Variants in RGS20 observed in about 807,000 individuals in gnomAD.
RGS20 encodes the protein gz-selective GTPase-activating protein.
Under a neutral mutation model 33.6 loss-of-function variants are expected in RGS20, and 30 were observed. The observed-to-expected ratio is 0.89, with a 90% confidence interval of 0.67 to 1.21. The LOEUF is 1.21. RGS20 is among the 50% of genes most tolerant of loss of function. The probability of loss-of-function intolerance (pLI) is 0.00; values close to 1 mark genes in which losing one functional copy is unlikely to be tolerated. For missense variants in RGS20, 472 were observed against 502.4 expected (o/e 0.94, Z 0.58); for synonymous variants, 208 against 197.9 (o/e 1.05, Z -0.43).
intron 5 of RGS20, among the ~76,000 whole-genome samples, chr8:53,956,803 T>C (rs1018011703): frequency 1.3e-5 from 2 of 152,186 alleles, no homozygotes; most frequent in Non-Finnish European, 2.9e-5. Context: ...TTTTATTTTG[T>C]CATGATTTTT....
chr8:53,876,914 G>C (rs1370375562), intron 1 of RGS20, among the ~76,000 whole-genome samples: 1 of 152,220 alleles, frequency 6.6e-6, no homozygotes, highest in East Asian at 1.9e-4. Flanking sequence ...TCTCTGTCTC[G>C]AAGCACAGGA....
intron 1 of RGS20, among the ~76,000 whole-genome samples, chr8:53,871,838 C>T (rs1812077432): frequency 6.6e-6 from 1 of 152,062 alleles, no homozygotes; most frequent in South Asian, 2.1e-4. Context: ...CTGACTCTCC[C>T]TCTGTTTCCT....
intron 2 of RGS20, among the ~76,000 whole-genome samples, chr8:53,925,206 A>G (rs1813759119): frequency 6.6e-6 from 1 of 152,104 alleles, no homozygotes; most frequent in Non-Finnish European, 1.5e-5. Context: ...TTTGCTTGGA[A>G]CAGAATCAGT....
chr8:53,888,859 T>C (rs577001831), intron 2 of RGS20, among the ~76,000 whole-genome samples: 2 of 152,394 alleles, frequency 1.3e-5, no homozygotes, highest in South Asian at 2.1e-4. Flanking sequence ...CTCAGCATTA[T>C]GTTTTTGAGA....
intron 1 of RGS20, among the ~76,000 whole-genome samples, chr8:53,860,020 G>A (rs900553898): frequency 1.5e-4 from 23 of 152,128 alleles, no homozygotes; most frequent in African/African-American, 5.1e-4. Flanking sequence ...TGTTTTTCTA[G>A]GTTCTCTAGA....
intron 1 of RGS20, among the ~76,000 whole-genome samples, chr8:53,869,540 C>A (rs923337652): frequency 1.3e-5 from 2 of 151,756 alleles, no homozygotes; most frequent in Admixed American, 1.3e-4. Context: ...GCCGGGCATG[C>A]TGGCAGGTGC....
intron 2 of RGS20, among the ~76,000 whole-genome samples, chr8:53,921,174 C>T (rs1183742668): frequency 6.6e-6 from 1 of 152,116 alleles, no homozygotes; most frequent in Non-Finnish European, 1.5e-5. Context: ...TCTACTTAGT[C>T]ATGGCATATA....
intron 1 of RGS20, among the ~76,000 whole-genome samples, chr8:53,875,184 C>G (rs1381848238): frequency 6.6e-6 from 1 of 152,098 alleles, no homozygotes; most frequent in Admixed American, 6.6e-5. Context: ...ATAATCCCAC[C>G]ACTTTGTGAG....
At chr8:53,930,166 C>A (rs1012084454) in intron 2 of RGS20, among the ~76,000 whole-genome samples, 1 of 152,158 alleles carries the variant, frequency 6.6e-6, no homozygotes, top group African/African-American at 2.4e-5. Context: ...CATGTAGAGA[C>A]AGTATGATCA....
chr8:53,909,582 A>T (rs1276410791), intron 2 of RGS20, among the ~76,000 whole-genome samples: 1 of 151,930 alleles, frequency 6.6e-6, no homozygotes, highest in Admixed American at 6.6e-5. Flanking sequence ...AAAGGCTGTT[A>T]TTATAATAGT....
intron 3 of RGS20, among the ~76,000 whole-genome samples, chr8:53,944,442 G>C (rs1403534647): frequency 5.3e-5 from 8 of 151,984 alleles, no homozygotes; most frequent in Non-Finnish European, 1.0e-4. Context: ...GGAGGCTGAG[G>C]GAGGAGAATC....
At chr8:53,874,901 A>C (rs55971750) in intron 1 of RGS20, among the ~76,000 whole-genome samples, 1,746 of 152,312 alleles carry the variant, frequency 0.011, 32 homozygotes, top group African/African-American at 0.039. Context: ...CTAGAATTTT[A>C]ATATGTAAAT....
At chr8:53,929,607 G>T (rs57145872) in intron 2 of RGS20, among the ~76,000 whole-genome samples, 4,743 of 152,270 alleles carry the variant, frequency 0.031, 213 homozygotes, top group African/African-American at 0.1. Context: ...GGTGGAGGTT[G>T]CAGTGAGCCA....
chr8:53,881,023 C>CGGCGGACGGAGGCGA (rs750975873), intron 2 of RGS20: 106 of 1,593,980 alleles, frequency 6.7e-5, no homozygotes, highest in South Asian at 3.3e-4. Flanking sequence ...CGCATGCGCA[C>CGGCGGACGGAGGCGA]GGCGGACGGA....
At chr8:53,945,763 C>T (rs1806254213) in intron 3 of RGS20, among the ~76,000 whole-genome samples, 1 of 151,926 alleles carries the variant, frequency 6.6e-6, no homozygotes, top group Non-Finnish European at 1.5e-5. Flanking sequence ...AGTAGCCGGG[C>T]GTGTTGGCAC....
intron 2 of RGS20, among the ~76,000 whole-genome samples, chr8:53,891,121 A>G (rs1475507951): frequency 6.6e-6 from 1 of 152,208 alleles, no homozygotes; most frequent in Admixed American, 6.5e-5. Flanking sequence ...CACATGAGAA[A>G]AGAGTCCCTT....
At chr8:53,866,918 C>T (rs73680336) in intron 1 of RGS20, among the ~76,000 whole-genome samples, 4,783 of 152,046 alleles carry the variant, frequency 0.031, 208 homozygotes, top group African/African-American at 0.099. Context: ...GGGGTTTGGA[C>T]GTGTGTGTGT....
chr8:53,875,429 C>CAAAAA (rs755991643), intron 1 of RGS20, among the ~76,000 whole-genome samples: 34 of 55,590 alleles, frequency 6.1e-4, no homozygotes, highest in African/African-American at 1.6e-3. Context: ...AAGACTCTGT[C>CAAAAA]AAAAAAAAAA....
intron 2 of RGS20, among the ~76,000 whole-genome samples, chr8:53,933,461 A>G (rs1400938374): frequency 6.6e-6 from 1 of 152,218 alleles, no homozygotes; most frequent in Non-Finnish European, 1.5e-5. Flanking sequence ...TTCCTGAAGC[A>G]TACACAAGTA....
Sources: gnomAD v4.1 joint callset for allele counts (sites outside exome capture counted in the v4.1 genomes callset) on GRCh38, gnomAD v4.1.1 for gene constraint, MANE v1.5 for transcripts, NCBI Gene and HGNC (gene_info 2026-07-23, HGNC 2026-07-21) for gene names.